RANBP2: variants seen among roughly 807,000 people sequenced by gnomAD.
The protein encoded by RANBP2 is RAN binding protein 2, also known as E3 SUMO-protein ligase RanBP2.
RANBP2 carries 57 observed loss-of-function variants against 303.6 expected under a neutral mutation model. The ratio of observed to expected loss-of-function variants is 0.19; its 90% CI spans 0.15 to 0.23. The LOEUF is 0.23. Ranked by LOEUF, RANBP2 falls within the 10% of genes least tolerant of loss-of-function variation. The pLI is 1.00. For missense variants in RANBP2, 3,138 were observed against 3,780.8 expected (o/e 0.83, Z 4.46); for synonymous variants, 1,167 against 1,301.5 (o/e 0.90, Z 2.23).
chr2:109,650,026 A>G, the RANBP2 span, among the ~76,000 whole-genome samples: 16 of 152,222 alleles, frequency 1.1e-4, no homozygotes, highest in Non-Finnish European at 1.9e-4. Flanking sequence ...TTCTCAGAAC[A>G]GTCTCAATTT....
Position 108,762,014 on chromosome 2 carries a change from C to T in RANBP2, c.2603-87C>T, listed in dbSNP as rs2433710. 11 of 1,549,266 alleles carry T rather than the reference C, an allele frequency of 7.1e-6. No individual in the cohort carries two copies. The East Asian group carries it at 1.1e-4, about 16-fold the overall frequency. On this transcript the variant is annotated intron_variant, in intron 18 of 28. Transcript: ENST00000283195. ...TAAATCTTTCTTTAATTTCTATTGC[C>T]TTTGTATTTATAGCTCTTGCCTAGA...
the RANBP2 span, among the ~76,000 whole-genome samples, chr2:109,203,759 TA>T: frequency 1.3e-5 from 2 of 152,166 alleles, no homozygotes; most frequent in South Asian, 4.1e-4. Flanking sequence ...AGAACCCACA[TA>T]CCTTTCACAC....
rs1327609875 is a variant in RANBP2 at position 108,765,203 on chromosome 2, G to A, written c.4664G>A (p.Arg1555Gln). 18 of 1,614,006 alleles carry A rather than the reference G, an allele frequency of 1.1e-5. No homozygotes were observed. Among genetic ancestry groups the A allele is most frequent in the Admixed American group, 3.3e-5 (2 of 60,002 alleles). The change falls in exon 20 of 29, where the codon CGA becomes CAA. Residue 1555 changes from arginine to glutamine, a missense_variant. Physicochemically the swap from Arg to Gln is conservative, Grantham distance 43. This residue lies in a region of RANBP2 where 388 missense variants were observed against 328.5 expected (regional missense o/e 1.18). Coordinates refer to ENST00000283195, the MANE Select transcript of RANBP2 (RefSeq NM_006267.5). Reference protein sequence around the residue: ...GQWDCSSCLVRNEANATRCVA... With the variant: ...GQWDCSSCLVQNEANATRCVA... ...TGGGATTGCAGTTCATGCTTAGTGC[G>A]AAATGAAGCAAATGCTACAAGATGT...
the RANBP2 span, among the ~76,000 whole-genome samples, chr2:108,844,167 A>G: frequency 2.9e-3 from 444 of 151,828 alleles, 3 homozygotes; most frequent in African/African-American, 0.01. Flanking sequence ...AGTTTCTTCA[A>G]GTGCTTTTTC....
Position 108,719,579 on chromosome 2 carries a change from G to A in RANBP2, c.-28G>A, listed in dbSNP as rs375762257. 6.3e-7 allele frequency: 1 copy of A among 1,592,450 alleles called. No homozygotes were observed. The highest frequency in any genetic ancestry group is 8.5e-7 in the Non-Finnish European group (1 of 1,171,448). The stretch of plus-strand genomic sequence containing the variant: ...CTGCGGGCCTGAGCGCTGGTCTCAC[G>A]CGCCTCGGGAGCCAGGTTGGCGGCG... On this transcript the variant is annotated 5_prime_UTR_variant, in exon 1 of 29. Transcript: ENST00000283195.
At chr2:109,089,238 G>A in the RANBP2 span, among the ~76,000 whole-genome samples, 3 of 152,112 alleles carry the variant, frequency 2.0e-5, no homozygotes, top group Admixed American at 2.0e-4. Flanking sequence ...AAACATTCAA[G>A]GTAAAACCAA....
the RANBP2 span, among the ~76,000 whole-genome samples, chr2:109,238,750 A>C: frequency 6.6e-6 from 1 of 152,148 alleles, no homozygotes; most frequent in African/African-American, 2.4e-5. Context: ...CAGCTGCTAC[A>C]TGCTTGCATC....
At chr2:108,820,651 G>A in the RANBP2 span, among the ~76,000 whole-genome samples, 1 of 149,354 alleles carries the variant, frequency 6.7e-6, no homozygotes, top group African/African-American at 2.5e-5. Context: ...AGATTTCTCA[G>A]CAGAAACCTT....
chr2:109,492,957 C>A, the RANBP2 span, among the ~76,000 whole-genome samples: 1 of 152,068 alleles, frequency 6.6e-6, no homozygotes, highest in Non-Finnish European at 1.5e-5. Flanking sequence ...CTACAGGGCC[C>A]CAGGCCCTTG....
the RANBP2 span, among the ~76,000 whole-genome samples, chr2:109,671,632 T>G: frequency 6.6e-6 from 1 of 152,112 alleles, no homozygotes. Context: ...TTAGCAAAAT[T>G]TAAGGGGTGA....
chr2:108,772,441 A>C (rs1451825834), intron 21 of RANBP2, 48 bp from the exon 22 acceptor site: 1 of 1,529,578 alleles, frequency 6.5e-7, no homozygotes, highest in Non-Finnish European at 9.0e-7. Flanking sequence ...AAGCAAGGAA[A>C]ACCCCCCAAA....
At chr2:109,564,661 T>A in the RANBP2 span, 1 of 765,856 alleles carries the variant, frequency 1.3e-6, no homozygotes, top group Non-Finnish European at 1.9e-6. Context: ...TCAGTTTGAT[T>A]AACAGCTACG....
At chr2:109,594,034 T>C in the RANBP2 span, among the ~76,000 whole-genome samples, 1 of 152,192 alleles carries the variant, frequency 6.6e-6, no homozygotes, top group African/African-American at 2.4e-5. Context: ...CCCAAAATCA[T>C]ACAAGCCAGT....
In RANBP2 at chr2:108,732,956, T is replaced by A. The variant is rs187083662; in HGVS notation, c.405+1482T>A. Among the ~76,000 whole-genome samples, 18 of 152,322 alleles carry A rather than the reference T, an allele frequency of 1.2e-4. No homozygotes were observed. In the East Asian group the frequency reaches 3.5e-3, roughly 29 times the overall value. On this transcript the variant is annotated intron_variant, in intron 4 of 28. Transcript: ENST00000283195. ...CTCCTGCCTCAGCCTTCCGGGTAGC[T>A]GGGACTACAGGCACGTGTTACCATG...
chr2:109,371,783 G>C, the RANBP2 span: 6 of 970,284 alleles, frequency 6.2e-6, no homozygotes, highest in Admixed American at 8.3e-5. Context: ...AAGAGAGAAA[G>C]AGGATCCTCC....
the RANBP2 span, among the ~76,000 whole-genome samples, chr2:109,600,923 C>T: frequency 4.5e-4 from 69 of 152,328 alleles, no homozygotes; most frequent in Non-Finnish European, 8.4e-4. Flanking sequence ...TACAAATAAA[C>T]AGCCAGATAA....
the RANBP2 span, chr2:109,733,235 G>A: frequency 2.6e-5 from 9 of 341,962 alleles, no homozygotes; most frequent in East Asian, 2.5e-4. Context: ...ATTCACAATC[G>A]AATGGAATTT....
At chr2:109,566,058 A>G in the RANBP2 span, among the ~76,000 whole-genome samples, 1 of 152,138 alleles carries the variant, frequency 6.6e-6, no homozygotes, top group African/African-American at 2.4e-5. Context: ...CCCCATAAAG[A>G]AAAGTATTTA....
chr2:109,060,927 T>G, the RANBP2 span, among the ~76,000 whole-genome samples: 25 of 152,212 alleles, frequency 1.6e-4, no homozygotes, highest in Admixed American at 1.3e-3. Flanking sequence ...AAAAGAAAAA[T>G]TAGGAGATTA....
Sources: gnomAD v4.1 joint callset for allele counts (sites outside exome capture counted in the v4.1 genomes callset) on GRCh38, gnomAD v4.1.1 for gene constraint, gnomAD v4.1.1 regional missense constraint, MANE v1.5 for transcripts, NCBI Gene and HGNC (gene_info 2026-07-23, HGNC 2026-07-21) for gene names.